The following EYS variants were observed in gnomAD, a reference collection of about 807,000 sequenced individuals.
EYS encodes the protein protein eyes shut homolog.
In EYS, 250 loss-of-function variants were observed where a neutral mutation model predicts 282.1. The ratio of observed to expected loss-of-function variants is 0.89; its 90% confidence interval spans 0.80 to 0.98. EYS has a LOEUF of 0.98. Among genes scored for constraint, EYS ranks in the 50% least tolerant of loss-of-function variants. EYS has a pLI of 0.00. For missense variants in EYS, 4,016 were observed against 3,709.0 expected (o/e 1.08, Z -2.15); for synonymous variants, 1,355 against 1,282.9 (o/e 1.06, Z -1.20).
intron 5 of EYS, among the ~76,000 whole-genome samples, chr6:65,454,268 G>T (rs1582316656): frequency 6.6e-6 from 1 of 151,750 alleles, no homozygotes; most frequent in Non-Finnish European, 1.5e-5. Flanking sequence ...CTGATGACTA[G>T]TAATGTTGGA....
chr6:64,875,773 T>C (rs921040654), intron 19 of EYS, among the ~76,000 whole-genome samples: 2 of 152,136 alleles, frequency 1.3e-5, no homozygotes, highest in Admixed American at 6.6e-5. Flanking sequence ...TAAAAGTGTA[T>C]TTTAATGTTC....
At chr6:65,698,503 A>G (rs2149850097) in intron 1 of EYS, among the ~76,000 whole-genome samples, 1 of 152,254 alleles carries the variant, frequency 6.6e-6, no homozygotes, top group Middle Eastern at 3.4e-3. Flanking sequence ...AAAACTATCC[A>G]CATTTACTTT....
intron 19 of EYS, among the ~76,000 whole-genome samples, chr6:64,884,427 T>C (rs922361556): frequency 6.6e-6 from 1 of 151,444 alleles, no homozygotes; most frequent in Non-Finnish European, 1.5e-5. Context: ...TCTTGAAAAA[T>C]ATACAAAAGT....
intron 12 of EYS, among the ~76,000 whole-genome samples, chr6:65,196,252 T>C (rs1342416087): frequency 6.6e-6 from 1 of 152,056 alleles, no homozygotes; most frequent in Non-Finnish European, 1.5e-5. Flanking sequence ...CTTCACTCTT[T>C]AATAGGATTC....
chr6:65,150,054 G>T (rs1581957993), intron 12 of EYS, among the ~76,000 whole-genome samples: 1 of 151,998 alleles, frequency 6.6e-6, no homozygotes, highest in Middle Eastern at 3.4e-3. Flanking sequence ...AACAGCATGG[G>T]GGAACCGCCA....
At chr6:63,949,004 C>T (rs1765484428) in intron 35 of EYS, among the ~76,000 whole-genome samples, 1 of 151,982 alleles carries the variant, frequency 6.6e-6, no homozygotes, top group African/African-American at 2.4e-5. Flanking sequence ...CTACAGTGTA[C>T]TACCTATAAT....
rs9360119 is a variant in EYS at position 65,060,248 on chromosome 6, T to C, written c.2024-2521A>G. Among the ~76,000 whole-genome samples the C allele has an allele frequency of 2.4e-3, 371 of 151,642 alleles. 4 individuals are homozygous for C. The highest frequency in any genetic ancestry group is 3.4e-3 in the Middle Eastern group (1 of 292). On this transcript the variant is annotated intron_variant, in intron 12 of 42. Transcript: ENST00000503581. Reference sequence around the variant, plus strand: ...AGGAAGACTTTTTTTTTTTTTCAAATTTGACACTTTAAATTCATGCAAATC... The same window carrying C: ...AGGAAGACTTTTTTTTTTTTTCAAACTTGACACTTTAAATTCATGCAAATC...
intron 12 of EYS, among the ~76,000 whole-genome samples, chr6:65,250,342 G>A (rs1197762935): frequency 6.6e-6 from 1 of 151,854 alleles, no homozygotes; most frequent in Non-Finnish European, 1.5e-5. Context: ...AAAAAAATAA[G>A]TCTAGGTTAT....
intron 5 of EYS, among the ~76,000 whole-genome samples, chr6:65,414,282 T>C (rs956800783): frequency 2.6e-5 from 4 of 152,134 alleles, no homozygotes; most frequent in Non-Finnish European, 5.9e-5. Flanking sequence ...AATTCTGGCA[T>C]TTACTGCTTT....
chr6:64,162,473 G>A (rs1775136822), intron 31 of EYS, among the ~76,000 whole-genome samples: 1 of 149,850 alleles, frequency 6.7e-6, no homozygotes, highest in Admixed American at 6.6e-5. Flanking sequence ...GATTGCTTGA[G>A]TATGGTGCCC....
At chr6:63,899,888 G>A (rs1187390375) in intron 35 of EYS, among the ~76,000 whole-genome samples, 1 of 152,204 alleles carries the variant, frequency 6.6e-6, no homozygotes, top group Non-Finnish European at 1.5e-5. Flanking sequence ...GGAGTAAAGA[G>A]AAGATATTCA....
chr6:63,832,926 A>T (rs1771687309), intron 36 of EYS, among the ~76,000 whole-genome samples: 1 of 152,202 alleles, frequency 6.6e-6, no homozygotes, highest in Non-Finnish European at 1.5e-5. Context: ...GCAAATCAAT[A>T]AATGGAATCC....
chr6:64,326,603 T>C (rs779287491), intron 29 of EYS, among the ~76,000 whole-genome samples: 4 of 152,164 alleles, frequency 2.6e-5, no homozygotes, highest in Non-Finnish European at 5.9e-5. Flanking sequence ...AGTCTTTGAT[T>C]GTCCTGTACC....
intron 2 of EYS, among the ~76,000 whole-genome samples, chr6:65,583,766 T>C (rs758300234): frequency 7.9e-5 from 12 of 152,062 alleles, no homozygotes; most frequent in Non-Finnish European, 1.6e-4. Context: ...ATGAAGTTAT[T>C]TGTTTTTAAA....
At position 64,093,827 on chromosome 6, in the gene EYS, T is replaced by G. The variant is rs183831368; in HGVS notation, c.6425-11825A>C. On this transcript the variant is annotated intron_variant, in intron 31 of 42. Coordinates refer to ENST00000503581, the MANE Select transcript of EYS (RefSeq NM_001142800.2). ...GTGGCGAGAGAGGTCATCCCTGTCT[T>G]GTGCCGGTTTTCAAAGGGAATGCTT... Among the ~76,000 whole-genome samples, 703 of 152,308 alleles carry G rather than the reference T, an allele frequency of 4.6e-3. 5 individuals carry two copies. Among genetic ancestry groups the G allele is most frequent in the African/African-American group, 0.016 (672 of 41,568 alleles).
intron 29 of EYS, among the ~76,000 whole-genome samples, chr6:64,383,064 G>C (rs966868136): frequency 6.6e-6 from 1 of 152,122 alleles, no homozygotes; most frequent in Non-Finnish European, 1.5e-5. Context: ...AAGGTGGATG[G>C]ATCACTTGAG....
intron 5 of EYS, among the ~76,000 whole-genome samples, chr6:65,441,997 T>C (rs1054560904): frequency 6.6e-6 from 1 of 152,080 alleles, no homozygotes; most frequent in African/African-American, 2.4e-5. Context: ...TTTTGTGACA[T>C]GATTCATTCC....
chr6:64,035,315 T>A (rs963294785), intron 33 of EYS, among the ~76,000 whole-genome samples: 1 of 152,252 alleles, frequency 6.6e-6, no homozygotes, highest in African/African-American at 2.4e-5. Flanking sequence ...ACAACAACCA[T>A]TGAATTCCTA....
intron 30 of EYS, among the ~76,000 whole-genome samples, chr6:64,238,807 G>C (rs952123325): frequency 1.3e-5 from 2 of 151,996 alleles, no homozygotes; most frequent in African/African-American, 4.8e-5. Flanking sequence ...GAATGTGCAG[G>C]TTTGTTACAT....
Sources: gnomAD v4.1 joint callset for allele counts (sites outside exome capture counted in the v4.1 genomes callset) on GRCh38, gnomAD v4.1.1 for gene constraint, MANE v1.5 for transcripts, NCBI Gene and HGNC (gene_info 2026-07-23, HGNC 2026-07-21) for gene names.